Variants in ZNF385D observed in about 807,000 individuals in gnomAD.
The protein encoded by ZNF385D is zinc finger protein 659.
ZNF385D carries 15 observed loss-of-function variants against 35.8 expected under a neutral mutation model. That is an observed-to-expected ratio of 0.42 (90% CI 0.28 to 0.64). The LOEUF (loss-of-function observed/expected upper bound fraction) is 0.64. Ranked by LOEUF, ZNF385D falls within the 30% of genes least tolerant of loss-of-function variation. The probability of loss-of-function intolerance (pLI) is 0.23; values close to 1 mark genes in which losing one functional copy is unlikely to be tolerated. For synonymous variants in ZNF385D, 212 were observed against 186.8 expected, an observed-to-expected ratio of 1.13 and a Z score of -1.10; for missense variants, 474 against 494.6, an observed-to-expected ratio of 0.96 and a Z score of 0.39.
intron 3 of ZNF385D, among the ~76,000 whole-genome samples, chr3:22,115,848 T>C (rs142297633): frequency 6.6e-6 from 1 of 152,136 alleles, no homozygotes; most frequent in East Asian, 1.9e-4. Context: ...AGAAAACAGG[T>C]TTTTGTTTCC....
intron 3 of ZNF385D, among the ~76,000 whole-genome samples, chr3:21,890,011 G>A (rs973308499): frequency 6.6e-6 from 1 of 152,072 alleles, no homozygotes; most frequent in African/African-American, 2.4e-5. Context: ...CATATTAGAT[G>A]AGCCCACCCT....
chr3:22,050,873 T>TACCTAGAGAGTACAGTAAG lies in ZNF385D; in HGVS notation c.325+117943_325+117944insCTTACTGTACTCTCTAGGT, dbSNP rs1218561216. On this transcript the variant is annotated intron_variant, in intron 3 of 5. Coordinates refer to the ZNF385D transcript ENST00000494108. The stretch of plus-strand genomic sequence containing the variant: ...TGACCCTTAAAAATTCAATGTGTTA[T>TACCTAGAGAGTACAGTAAG]AATTTCTGTTCTTTTACATTTGCTG... 5.8e-3 allele frequency among the ~76,000 whole-genome samples: 149 copies of TACCTAGAGAGTACAGTAAG among 25,728 alleles called. 20 individuals carry two copies. Among genetic ancestry groups the TACCTAGAGAGTACAGTAAG allele is most frequent in the Middle Eastern group, 0.023 (1 of 44 alleles). 16.9% of individuals were successfully genotyped at this position (25,728 alleles called of 152,430 possible).
At chr3:21,870,814 C>T (rs2125846228) in intron 3 of ZNF385D, among the ~76,000 whole-genome samples, 1 of 152,036 alleles carries the variant, frequency 6.6e-6, no homozygotes, top group Admixed American at 6.5e-5. Flanking sequence ...ATTCTGATGT[C>T]TGCTCTTTCT....
intron 3 of ZNF385D, among the ~76,000 whole-genome samples, chr3:21,982,410 A>G (rs1694522359): frequency 6.6e-6 from 1 of 152,048 alleles, no homozygotes; most frequent in Non-Finnish European, 1.5e-5. Context: ...TAGGAATGCT[A>G]AGTGAGTTTT....
intron 3 of ZNF385D, among the ~76,000 whole-genome samples, chr3:21,766,280 T>G (rs1200777787): frequency 3.9e-5 from 6 of 152,098 alleles, no homozygotes; most frequent in African/African-American, 1.2e-4. Context: ...TTCCTTATGT[T>G]TTTAGTGTAT....
At chr3:21,635,384 T>G (rs3849546) in intron 2 of ZNF385D, among the ~76,000 whole-genome samples, 109,432 of 151,412 alleles carry the variant, frequency 0.72, 39,779 homozygotes, top group Admixed American at 0.77. Flanking sequence ...CATCATGACT[T>G]TCCTACAAAT....
At chr3:21,677,911 T>C (rs1270481608) in intron 1 of ZNF385D, among the ~76,000 whole-genome samples, 1 of 152,046 alleles carries the variant, frequency 6.6e-6, no homozygotes, top group Non-Finnish European at 1.5e-5. Context: ...ATGCTCGTTC[T>C]TTGTAAAAAT....
chr3:21,813,654 A>C (rs2073028529), intron 3 of ZNF385D, among the ~76,000 whole-genome samples: 1 of 152,088 alleles, frequency 6.6e-6, no homozygotes, highest in Middle Eastern at 3.4e-3. Context: ...TTTAGAGAAA[A>C]AAGAGTAAAA....
chr3:21,856,290 C>A (rs979922360), intron 3 of ZNF385D, among the ~76,000 whole-genome samples: 7 of 141,142 alleles, frequency 5.0e-5, no homozygotes, highest in Admixed American at 1.4e-4. Flanking sequence ...TCCAGGATTA[C>A]ATCCATGGAC....
At chr3:21,423,113 T>A in intron 7 of ZNF385D, among the ~76,000 whole-genome samples, 1 of 151,972 alleles carries the variant, frequency 6.6e-6, no homozygotes, top group East Asian at 1.9e-4. Flanking sequence ...AAAAGATCCT[T>A]AAGCTCATAA....
chr3:22,323,704 A>C (rs1694548408), intron 2 of ZNF385D, among the ~76,000 whole-genome samples: 1 of 152,248 alleles, frequency 6.6e-6, no homozygotes, highest in Non-Finnish European at 1.5e-5. Context: ...CTTAATAATG[A>C]GGATAATAGC....
chr3:21,529,382 T>C (rs1221883757), intron 3 of ZNF385D, among the ~76,000 whole-genome samples: 1 of 152,168 alleles, frequency 6.6e-6, no homozygotes, highest in Non-Finnish European at 1.5e-5. Flanking sequence ...TAATATAATG[T>C]ATGTCAAAAA....
intron 3 of ZNF385D, among the ~76,000 whole-genome samples, chr3:21,888,780 G>C (rs1013987885): frequency 4.6e-5 from 7 of 152,170 alleles, no homozygotes; most frequent in African/African-American, 1.7e-4. Flanking sequence ...AAGAAAGATA[G>C]GTGGCGAGTT....
chr3:22,178,032 C>T lies in ZNF385D; in HGVS notation c.107-8997G>A, dbSNP rs564703484. Among the ~76,000 whole-genome samples the T allele has an allele frequency of 8.5e-5, 13 of 152,248 alleles. No homozygotes were observed. In the South Asian group the frequency reaches 2.7e-3, roughly 32 times the overall value. The stretch of plus-strand genomic sequence containing the variant: ...CAAGTCTTTGCTATTGTGAATACTG[C>T]CGCATTAAACATATGTGTACATGTG... On this transcript the variant is annotated intron_variant, in intron 2 of 5. Transcript: ENST00000494108.
chr3:21,918,493 G>T lies in ZNF385D; in HGVS notation c.325+250324C>A, dbSNP rs552254530. ...TTGATACTTCAGATAATTTTTGGGT[G>T]GTTCACCTGAATGATATATTTTCAT... On this transcript the variant is annotated intron_variant, in intron 3 of 5. Coordinates refer to the ZNF385D transcript ENST00000494108. Among the ~76,000 whole-genome samples the T allele has an allele frequency of 1.4e-4, 22 of 152,074 alleles. No homozygotes were observed. The South Asian group carries it at 4.6e-3, about 32-fold the overall frequency.
intron 3 of ZNF385D, among the ~76,000 whole-genome samples, chr3:22,085,398 C>A (rs979234745): frequency 1.3e-5 from 2 of 152,144 alleles, no homozygotes; most frequent in African/African-American, 4.8e-5. Flanking sequence ...GGCGATATCA[C>A]CACCGATCCC....
chr3:21,841,977 T>C (rs551887652), intron 3 of ZNF385D, among the ~76,000 whole-genome samples: 1 of 151,522 alleles, frequency 6.6e-6, no homozygotes, highest in Admixed American at 6.6e-5. Context: ...TATAATTGAA[T>C]CTATATAATT....
chr3:21,938,894 A>G (rs1701384623), intron 3 of ZNF385D, among the ~76,000 whole-genome samples: 1 of 152,184 alleles, frequency 6.6e-6, no homozygotes, highest in Admixed American at 6.5e-5. Context: ...TTTGCAATTT[A>G]GTATATAAGT....
chr3:22,352,580 G>C (rs1695966602), intron 2 of ZNF385D, among the ~76,000 whole-genome samples: 1 of 152,160 alleles, frequency 6.6e-6, no homozygotes, highest in Non-Finnish European at 1.5e-5. Flanking sequence ...TTTTTAGTGA[G>C]TGGCTTTATC....
Sources: allele counts gnomAD v4.1 joint callset (sites outside exome capture counted in the v4.1 genomes callset), GRCh38; gene constraint gnomAD v4.1.1; transcripts MANE v1.5; gene names NCBI Gene and HGNC (gene_info 2026-07-23, HGNC 2026-07-21).